Variants in DGCR2 observed in about 807,000 individuals in gnomAD.
DGCR2 encodes the protein integral membrane protein DGCR2/IDD.
Under a neutral mutation model 51.6 loss-of-function variants are expected in DGCR2, and 24 were observed. The observed-to-expected ratio is 0.47, with a 90% CI of 0.34 to 0.65. The LOEUF is 0.65. Among genes scored for constraint, DGCR2 ranks in the 30% least tolerant of loss-of-function variants. The pLI is 0.01. For synonymous variants in DGCR2, 340 were observed against 315.4 expected (o/e 1.08, Z -0.82); for missense variants, 765 against 772.1 (o/e 0.99, Z 0.11).
chr22:19,082,088 C>T (rs1200503026), intron 2 of DGCR2, among the ~76,000 whole-genome samples: 2 of 144,470 alleles, frequency 1.4e-5, no homozygotes, highest in Admixed American at 7.1e-5. Flanking sequence ...GAAACAGGGT[C>T]TCACTCTGAT....
In DGCR2 at chr22:19,038,542, T is replaced by C. The variant is rs536882253; in HGVS notation, c.*323A>G. The C allele has an allele frequency of 2.8e-6, 1 of 362,566 alleles. No individual in the cohort carries two copies. The highest frequency in any genetic ancestry group is 6.1e-5 in the East Asian group (1 of 16,324). 22.5% of individuals were successfully genotyped at this position (362,566 alleles called of 1,614,324 possible). A position where few individuals can be genotyped will look rare whatever the true frequency, so the allele number is the denominator to read the frequency against. ...ACCAAAAACGCATCAGGTGTGGCCATGGCCCACAGTACCTTCTTCATTCCC... is the reference window on the plus strand; with the variant it reads ...ACCAAAAACGCATCAGGTGTGGCCACGGCCCACAGTACCTTCTTCATTCCC... On this transcript the variant is annotated 3_prime_UTR_variant, in exon 10 of 10. Coordinates refer to ENST00000263196, the MANE Select transcript of DGCR2 (RefSeq NM_005137.3).
rs574636406 is a variant in DGCR2, at chr22:19,116,131, T to C, written c.79+5997A>G. Among the ~76,000 whole-genome samples the C allele has an allele frequency of 6.6e-5, 10 of 152,362 alleles. 1 individual carries two copies. The highest frequency in any genetic ancestry group is 2.2e-4 in the African/African-American group (9 of 41,586). Reference sequence around the variant, plus strand: ...GGCAGTGTGGCTCTAGAGCCCATGCTCTTAAGCCACCATACCCAACTGCCT... The same window carrying C: ...GGCAGTGTGGCTCTAGAGCCCATGCCCTTAAGCCACCATACCCAACTGCCT... On this transcript the variant is annotated intron_variant, in intron 1 of 9. Transcript: ENST00000263196.
In DGCR2 at chr22:19,038,584, G is replaced by A. The variant is rs555494206; in HGVS notation, c.*281C>T. The A allele has an allele frequency of 3.4e-5, 17 of 501,928 alleles. No individual in the cohort carries two copies. Among genetic ancestry groups the A allele is most frequent in the African/African-American group, 2.4e-4 (12 of 50,644 alleles). The allele number at this position is 501,928 out of a possible 1,614,324, so 31.1% of individuals were successfully genotyped here. ...TTCATTCCCTGCCTCTAACATGTGC[G>A]GTCTGAATGAATTTTGTCACTCTTC... is the stretch of plus-strand genomic sequence containing the variant. On this transcript the variant is annotated 3_prime_UTR_variant, in exon 10 of 10. Transcript: ENST00000263196.
chr22:19,072,707 TAATAA>T, intron 2 of DGCR2, among the ~76,000 whole-genome samples: 1 of 152,090 alleles, frequency 6.6e-6, no homozygotes. Flanking sequence ...ACCCCGTCTC[TAATAA>T]AAATGCAAAA....
intron 4 of DGCR2, 82 bp from the exon 5 acceptor site, chr22:19,063,360 G>C (rs935427082): frequency 3.7e-6 from 5 of 1,365,808 alleles, no homozygotes; most frequent in Non-Finnish European, 5.1e-6. Flanking sequence ...TTTGTTTTTT[G>C]AGACAGAGTC....
At chr22:19,081,318 G>A (rs890726298) in intron 2 of DGCR2, among the ~76,000 whole-genome samples, 3 of 152,108 alleles carry the variant, frequency 2.0e-5, no homozygotes, top group African/African-American at 7.2e-5. Flanking sequence ...GTGTATCACT[G>A]CGCTTATTTT....
At chr22:19,107,794 G>C (rs1007571575) in intron 1 of DGCR2, among the ~76,000 whole-genome samples, 1 of 152,234 alleles carries the variant, frequency 6.6e-6, no homozygotes, top group African/African-American at 2.4e-5. Context: ...GGGTGGGACA[G>C]AACTGGAGCG....
intron 6 of DGCR2, among the ~76,000 whole-genome samples, chr22:19,051,322 C>T (rs2082546647): frequency 6.6e-6 from 1 of 151,904 alleles, no homozygotes; most frequent in Admixed American, 6.6e-5. Flanking sequence ...AACTTTTGTT[C>T]CTGAAAGCTC....
intron 2 of DGCR2, among the ~76,000 whole-genome samples, chr22:19,082,054 G>GT (rs1569068875): frequency 0.044 from 5,176 of 116,490 alleles, 352 homozygotes; most frequent in African/African-American, 0.13. Flanking sequence ...TGTTTTTTGG[G>GT]GTTTTTTTTG....
chr22:19,072,420 A>C (rs1399165572), intron 2 of DGCR2, among the ~76,000 whole-genome samples: 1 of 152,220 alleles, frequency 6.6e-6, no homozygotes, highest in Non-Finnish European at 1.5e-5. Context: ...GCAGATAGGG[A>C]AGGACCACCA....
intron 1 of DGCR2, among the ~76,000 whole-genome samples, chr22:19,107,023 T>C (rs2083267229): frequency 6.6e-6 from 1 of 152,064 alleles, no homozygotes; most frequent in Non-Finnish European, 1.5e-5. Flanking sequence ...TCCCTACCAG[T>C]GGCCAGTTAC....
rs562207455 is a variant in DGCR2 at position 19,091,854 on chromosome 22, C to T, written c.80-2364G>A. Among the ~76,000 whole-genome samples, 13 of 151,764 alleles carry T rather than the reference C, an allele frequency of 8.6e-5. No homozygotes were observed. The South Asian group carries it at 1.7e-3, about 19-fold the overall frequency. ...ACGTGGGAGGCTGAGGCAGGAGAAT[C>T]GCTTGAACCTGAAAAAAAAGGAAAT... On this transcript the variant is annotated intron_variant, in intron 1 of 9. Coordinates refer to ENST00000263196, the MANE Select transcript of DGCR2 (RefSeq NM_005137.3).
chr22:19,047,129 T>G (rs527759202), intron 7 of DGCR2: 1 of 152,684 alleles, frequency 6.5e-6, no homozygotes, highest in African/African-American at 2.4e-5. Flanking sequence ...GAAACTGCCC[T>G]GCAGAATGGG....
At chr22:19,115,785 T>A (rs807741) in intron 1 of DGCR2, among the ~76,000 whole-genome samples, 1 of 152,126 alleles carries the variant, frequency 6.6e-6, no homozygotes, top group African/African-American at 2.4e-5. Flanking sequence ...GATCCCATCA[T>A]AACAGCAAAG....
chr22:19,054,922 C>T (rs2082585626), intron 6 of DGCR2, among the ~76,000 whole-genome samples: 1 of 152,084 alleles, frequency 6.6e-6, no homozygotes, highest in South Asian at 2.1e-4. Context: ...TCAAGACCAG[C>T]CTGACCAACA....
intron 2 of DGCR2, among the ~76,000 whole-genome samples, chr22:19,077,324 T>C (rs2082889561): frequency 6.6e-6 from 1 of 152,250 alleles, no homozygotes; most frequent in African/African-American, 2.4e-5. Context: ...TTTAAGGTCT[T>C]AAATTTAAGC....
chr22:19,062,779 A>ATTCATTCTCTCTCTCTCTCTCTCT, intron 5 of DGCR2, among the ~76,000 whole-genome samples: 9 of 127,456 alleles, frequency 7.1e-5, no homozygotes, highest in Non-Finnish European at 1.3e-4. Context: ...ATGCATGCTC[A>ATTCATTCTCTCTCTCTCTCTCTCT]CTCTCTCTCT....
Position 19,037,729 on chromosome 22 carries a change from GCAA to G in DGCR2, c.*1133_*1135del, listed in dbSNP as rs955777399. On this transcript the variant is annotated 3_prime_UTR_variant, in exon 10 of 10. Transcript: ENST00000263196. Reference sequence around the variant, plus strand: ...AGAAATGTTAAAGGCCCTGTGTCAGGCAACAAAACCACTGCCCAGGAGCAGGCA... The same window carrying G: ...AGAAATGTTAAAGGCCCTGTGTCAGGCAAAACCACTGCCCAGGAGCAGGCA... 1 of 152,400 alleles carries G rather than the reference GCAA, an allele frequency of 6.6e-6. No homozygotes were observed. Among genetic ancestry groups the G allele is most frequent in the African/African-American group, 2.4e-5 (1 of 41,452 alleles). The allele number at this position is 152,400 out of a possible 1,614,324, so 9.4% of individuals were successfully genotyped here.
intron 3 of DGCR2, 125 bp downstream of exon 3, chr22:19,067,975 C>T: frequency 7.6e-7 from 1 of 1,320,126 alleles, no homozygotes; most frequent in Non-Finnish European, 9.9e-7. Flanking sequence ...CTCATTCATT[C>T]CCCTCACTGG....
Sources: gnomAD v4.1 joint callset for allele counts (sites outside exome capture counted in the v4.1 genomes callset) on GRCh38, gnomAD v4.1.1 for gene constraint, MANE v1.5 for transcripts, NCBI Gene and HGNC (gene_info 2026-07-23, HGNC 2026-07-21) for gene names.